PDPK1: variants seen among roughly 807,000 people sequenced by gnomAD.
PDPK1 encodes the protein 3-phosphoinositide dependent protein kinase 1.
Under a neutral mutation model 39.8 loss-of-function variants are expected in PDPK1, and 7 were observed. The ratio of observed to expected loss-of-function variants is 0.18; its 90% CI spans 0.10 to 0.33. The LOEUF is 0.33. Ranked by LOEUF, PDPK1 falls within the 10% of genes least tolerant of loss-of-function variation. The pLI, the probability that PDPK1 is intolerant of heterozygous loss-of-function variation, is 1.00. For synonymous variants in PDPK1, 118 were observed against 159.1 expected (o/e 0.74, Z 1.95); for missense variants, 182 against 384.7 (o/e 0.47, Z 4.41).
rs976254033 is a variant in PDPK1, at chr16:2,538,134, C to T, written c.22C>T (p.Leu8=). The T allele has an allele frequency of 2.1e-5, 22 of 1,063,494 alleles. No homozygotes were observed. In the African/African-American group the frequency reaches 3.8e-4, roughly 18 times the overall value. The allele number at this position is 1,063,494 out of a possible 1,614,324, so 65.9% of individuals were successfully genotyped here. A position where few individuals can be genotyped will look rare whatever the true frequency, so the allele number is the denominator to read the frequency against. The change falls in exon 1 of 14, where the codon CTG becomes TTG. Residue 8 remains leucine, a splice_region_variant and synonymous_variant. Transcript: ENST00000342085. ...GCCCATGGCCAGGACCACCAGCCAG[C>T]TGGTGAGCGCGCGGCGGCGGACTGG... MARTTSQ[L]YDAVPIQSSV... is the part of the protein sequence containing the mutation.
chr16:2,577,103 G>T, intron 6 of PDPK1: 1 of 502,834 alleles, frequency 2.0e-6, no homozygotes, highest in Non-Finnish European at 3.5e-6. Flanking sequence ...GGCACGTTTG[G>T]ATACCCCAGG....
intron 12 of PDPK1, 30 bp downstream of exon 12, chr16:2,595,880 AC>A (rs2067091729): frequency 6.4e-7 from 1 of 1,568,274 alleles, no homozygotes; most frequent in African/African-American, 1.4e-5. Context: ...GCTGCTCCGC[AC>A]GGACACCTGC....
chr16:2,590,557 C>G (rs1437131432), intron 11 of PDPK1, among the ~76,000 whole-genome samples: 4 of 152,092 alleles, frequency 2.6e-5, no homozygotes. Flanking sequence ...TGGCTGTTGG[C>G]CTGCTGTCCT....
chr16:2,586,675 G>A lies in PDPK1; in HGVS notation c.1126-1G>A, dbSNP rs2066882311. 6.2e-7 allele frequency: 1 copy of A among 1,613,824 alleles called. No individual in the cohort carries two copies. The highest frequency in any genetic ancestry group is 1.7e-5 in the Admixed American group (1 of 60,014). On this transcript the variant is annotated splice_acceptor_variant, in intron 10 of 13. Coordinates refer to ENST00000342085, the MANE Select transcript of PDPK1 (RefSeq NM_002613.5). LOFTEE classifies it high-confidence loss of function. ...TTCTCACTTTCCCTTCTTCTCTGCA[G>A]TATGACAATCTCCTGAGCCAGTTTG...
chr16:2,544,573 C>T (rs1367721752), intron 1 of PDPK1, among the ~76,000 whole-genome samples: 3 of 151,864 alleles, frequency 2.0e-5, no homozygotes, highest in East Asian at 1.9e-4. Context: ...TATACATTAC[C>T]CCCTCACCTC....
At chr16:2,540,072 G>A (rs1015384019) in intron 1 of PDPK1, among the ~76,000 whole-genome samples, 2 of 152,230 alleles carry the variant, frequency 1.3e-5, no homozygotes, top group Admixed American at 6.5e-5. Context: ...AGAACATGCC[G>A]TGTTTCCTGT....
In PDPK1 at chr16:2,595,834, C is replaced by G; in HGVS notation, c.1385C>G (p.Pro462Arg). The change falls in exon 12 of 14, where the codon CCA (proline) becomes CGA (arginine). Residue 462 changes from proline to arginine, a missense_variant. Physicochemically the swap from Pro to Arg is moderately radical, Grantham distance 103. Coordinates refer to ENST00000342085, the MANE Select transcript of PDPK1 (RefSeq NM_002613.5). ...VENNLILKMG[P>R]VDKRKGLFAR... ...AATAATTTAATACTAAAGATGGGCC[C>G]AGTGGATAAGCGGAAGGTGAGTGGT... 4 of 1,613,578 alleles carry G rather than the reference C, an allele frequency of 2.5e-6. No individual in the cohort carries two copies. The highest frequency in any genetic ancestry group is 3.4e-6 in the Non-Finnish European group (4 of 1,179,476).
chr16:2,579,520 T>TAGAC (rs1328324438), intron 7 of PDPK1: 59 of 125,594 alleles, frequency 4.7e-4, no homozygotes, highest in Admixed American at 9.9e-4. Flanking sequence ...TCTGGAGGGA[T>TAGAC]AGACACTGAA....
At chr16:2,592,967 G>T (rs2067021721) in intron 11 of PDPK1, 1 of 456,560 alleles carries the variant, frequency 2.2e-6, no homozygotes. Flanking sequence ...TGGGGCTTCA[G>T]TGTCCCTGGC....
At chr16:2,552,109 T>C (rs1402883538) in intron 1 of PDPK1, among the ~76,000 whole-genome samples, 5 of 151,326 alleles carry the variant, frequency 3.3e-5, no homozygotes, top group Non-Finnish European at 5.9e-5. Flanking sequence ...GCTAGGACTA[T>C]AGGCACACGC....
intron 1 of PDPK1, among the ~76,000 whole-genome samples, chr16:2,553,191 A>T (rs2066449480): frequency 7.3e-6 from 1 of 136,900 alleles, no homozygotes; most frequent in South Asian, 2.3e-4. Flanking sequence ...AAGAAAAAAA[A>T]AGAAAAGAGA....
At position 2,601,508 on chromosome 16, in the gene PDPK1, A is replaced by T. The variant is rs2067214406; in HGVS notation, c.*3741A>T. The T allele has an allele frequency of 4.3e-6, 1 of 234,502 alleles. No individual in the cohort carries two copies. The highest frequency in any genetic ancestry group is 2.2e-5 in the African/African-American group (1 of 45,336). 14.5% of individuals were successfully genotyped at this position (234,502 alleles called of 1,614,324 possible). On this transcript the variant is annotated 3_prime_UTR_variant, in exon 14 of 14. Coordinates refer to ENST00000342085, the MANE Select transcript of PDPK1 (RefSeq NM_002613.5). ...GTGTCCACAATGGTACTGAATTTGCATCTGCACAGTCAGCAGAGATAACAA... is the reference window on the plus strand; with the variant it reads ...GTGTCCACAATGGTACTGAATTTGCTTCTGCACAGTCAGCAGAGATAACAA...
rs945402056 is a variant in PDPK1, at chr16:2,586,734, A to G, written c.1184A>G (p.His395Arg). ...CMQVSSSSSS[H>R]SLSASDTGLP... ...CAGGTGTCTTCGTCCTCCTCCTCACACTCCCTGTCAGCCTCCGACACGGGC... is the reference window on the plus strand; with the variant it reads ...CAGGTGTCTTCGTCCTCCTCCTCACGCTCCCTGTCAGCCTCCGACACGGGC... Residue 395 changes from histidine to arginine, a missense_variant, in exon 11 of 14, where the codon CAC (histidine) becomes CGC (arginine). This residue lies in a region of PDPK1 where 90 missense variants were observed against 111.9 expected (regional missense o/e 0.80). Coordinates refer to ENST00000342085, the MANE Select transcript of PDPK1 (RefSeq NM_002613.5). The G allele has an allele frequency of 1.4e-5, 23 of 1,613,550 alleles. No individual in the cohort carries two copies. The highest frequency in any genetic ancestry group is 1.9e-5 in the Non-Finnish European group (23 of 1,179,936).
At position 2,545,981 on chromosome 16, in the gene PDPK1, A is replaced by G. The variant is rs546931854; in HGVS notation, c.24+7845A>G. 2.6e-5 allele frequency among the ~76,000 whole-genome samples: 4 copies of G among 152,280 alleles called. No individual in the cohort carries two copies. The East Asian group carries it at 7.7e-4, about 29-fold the overall frequency. On this transcript the variant is annotated intron_variant, in intron 1 of 13. Coordinates refer to ENST00000342085, the MANE Select transcript of PDPK1 (RefSeq NM_002613.5). ...AGGGTAGTTGTCTCGTATTTTATAT[A>G]AATACAGGATTCACAATCTGGATTT...
At chr16:2,551,979 C>CTT (rs548408889) in intron 1 of PDPK1, among the ~76,000 whole-genome samples, 1 of 148,178 alleles carries the variant, frequency 6.7e-6, no homozygotes. Context: ...AGAGTATCTA[C>CTT]TTTTTTTTTT....
chr16:2,598,093 G>T lies in PDPK1; in HGVS notation c.*326G>T. 1 of 375,628 alleles carries T rather than the reference G, an allele frequency of 2.7e-6. No homozygotes were observed. The highest frequency in any genetic ancestry group is 4.9e-6 in the Non-Finnish European group (1 of 205,606). The allele number at this position is 375,628 out of a possible 1,614,324, so 23.3% of individuals were successfully genotyped here. A position where few individuals can be genotyped will look rare whatever the true frequency, so the allele number is the denominator to read the frequency against. On this transcript the variant is annotated 3_prime_UTR_variant, in exon 14 of 14. Coordinates refer to ENST00000342085, the MANE Select transcript of PDPK1 (RefSeq NM_002613.5). ...CCGCCCAGACTAGTGGACAGACCTG[G>T]TGTCACCAGTTTTTCCTAGCATCAG...
chr16:2,586,964 G>C, intron 11 of PDPK1, 71 bp downstream of exon 11: 1 of 1,372,088 alleles, frequency 7.3e-7, no homozygotes, highest in Non-Finnish European at 1.0e-6. Context: ...CTTATGGTGG[G>C]TGCCTTTGCC....
intron 11 of PDPK1, among the ~76,000 whole-genome samples, chr16:2,595,115 T>C (rs2067074242): frequency 6.6e-6 from 1 of 152,204 alleles, no homozygotes; most frequent in Admixed American, 6.5e-5. Flanking sequence ...GGAGCAAGAC[T>C]TTGTCTCTAA....
In PDPK1 at chr16:2,590,412, A is replaced by G. The variant is rs1597068005; in HGVS notation, c.1343+3519A>G. 2.0e-5 allele frequency among the ~76,000 whole-genome samples: 3 copies of G among 152,368 alleles called. No individual in the cohort carries two copies. In the South Asian group the frequency reaches 6.2e-4, roughly 32 times the overall value. On this transcript the variant is annotated intron_variant, in intron 11 of 13. Transcript: ENST00000342085. ...CAGGAAGAGAGAGAGGAAAGAAACC[A>G]GTCTCGCTTCTGAGCCTTTGTTAAA... is the stretch of plus-strand genomic sequence containing the variant.
Sources: allele counts gnomAD v4.1 joint callset (sites outside exome capture counted in the v4.1 genomes callset), GRCh38; gene constraint gnomAD v4.1.1; regional missense constraint gnomAD v4.1.1; transcripts MANE v1.5; gene names NCBI Gene and HGNC (gene_info 2026-07-23, HGNC 2026-07-21).